EYS: variants seen among roughly 807,000 people sequenced by gnomAD.
The protein encoded by EYS is protein eyes shut homolog.
A neutral mutation model predicts 282.1 loss-of-function variants in EYS; 250 were observed. The ratio of observed to expected loss-of-function variants is 0.89; its 90% CI spans 0.80 to 0.98. The LOEUF (loss-of-function observed/expected upper bound fraction) is 0.98, where lower values mean the gene tolerates loss of function less well. Ranked by LOEUF, EYS falls within the 50% of genes least tolerant of loss-of-function variation. The pLI is 0.00. For synonymous variants in EYS, 1,355 were observed against 1,282.9 expected (o/e 1.06, Z -1.20); for missense variants, 4,016 against 3,709.0 (o/e 1.08, Z -2.15).
intron 33 of EYS, among the ~76,000 whole-genome samples, chr6:64,040,403 A>G (rs983863876): frequency 6.6e-6 from 1 of 152,196 alleles, no homozygotes; most frequent in Non-Finnish European, 1.5e-5. Flanking sequence ...TTGATAACTC[A>G]TTGCTTCTGA....
chr6:64,888,424 AAAC>A (rs1332039989), intron 18 of EYS, among the ~76,000 whole-genome samples: 3 of 151,926 alleles, frequency 2.0e-5, no homozygotes, highest in Non-Finnish European at 4.4e-5. Context: ...TCATGTATCA[AAAC>A]AACACAACAA....
chr6:65,690,519 T>C (rs1168714959), intron 1 of EYS, among the ~76,000 whole-genome samples: 5 of 150,096 alleles, frequency 3.3e-5, no homozygotes, highest in African/African-American at 9.7e-5. Flanking sequence ...CGTCCATTCA[T>C]AGGCTCTCTG....
At chr6:64,932,181 T>A (rs1768749178) in intron 15 of EYS, among the ~76,000 whole-genome samples, 1 of 151,998 alleles carries the variant, frequency 6.6e-6, no homozygotes, top group South Asian at 2.1e-4. Flanking sequence ...GGACTTGAAA[T>A]CCAATATCAT....
At chr6:64,366,948 AGT>A (rs1462112602) in intron 29 of EYS, among the ~76,000 whole-genome samples, 1 of 152,114 alleles carries the variant, frequency 6.6e-6, no homozygotes, top group Non-Finnish European at 1.5e-5. Flanking sequence ...AGAAGAATTT[AGT>A]GCAATATAAA....
chr6:64,892,966 T>A (rs566799252), intron 18 of EYS, among the ~76,000 whole-genome samples: 10 of 152,192 alleles, frequency 6.6e-5, no homozygotes, highest in African/African-American at 2.4e-4. Flanking sequence ...TTGGTAATGA[T>A]CTCGCTATGA....
chr6:65,027,327 C>T (rs1276908336), intron 13 of EYS, among the ~76,000 whole-genome samples: 2 of 152,114 alleles, frequency 1.3e-5, no homozygotes, highest in East Asian at 1.9e-4. Context: ...ATAAACTTTT[C>T]TAATAAATCT....
chr6:65,100,754 C>T (rs1239576435), intron 12 of EYS, among the ~76,000 whole-genome samples: 1 of 149,792 alleles, frequency 6.7e-6, no homozygotes, highest in Non-Finnish European at 1.5e-5. Flanking sequence ...CAAATCAAAA[C>T]TGCCTCTATA....
chr6:64,410,209 C>A (rs1227057040), intron 28 of EYS, among the ~76,000 whole-genome samples: 3 of 152,210 alleles, frequency 2.0e-5, no homozygotes, highest in Non-Finnish European at 4.4e-5. Flanking sequence ...ATCTTTGCAT[C>A]CAACAGTCAG....
intron 11 of EYS, among the ~76,000 whole-genome samples, chr6:65,327,045 A>G (rs1397596037): frequency 6.6e-6 from 1 of 151,748 alleles, no homozygotes; most frequent in Non-Finnish European, 1.5e-5. Flanking sequence ...ACTTGTTTAT[A>G]TACTTAAATA....
chr6:64,491,899 A>G (rs993625677), intron 26 of EYS, among the ~76,000 whole-genome samples: 1 of 151,210 alleles, frequency 6.6e-6, no homozygotes, highest in Non-Finnish European at 1.5e-5. Flanking sequence ...CTTAAATAGC[A>G]TGTGCTATTC....
chr6:65,088,324 A>G (rs1280565843), intron 12 of EYS, among the ~76,000 whole-genome samples: 1 of 152,192 alleles, frequency 6.6e-6, no homozygotes, highest in Admixed American at 6.5e-5. Flanking sequence ...AAGATGTGGG[A>G]AAGTTTAGAA....
rs566605528 is a variant in EYS at position 64,211,399 on chromosome 6, T to C, written c.6424+19193A>G. On this transcript the variant is annotated intron_variant, in intron 31 of 42. Coordinates refer to ENST00000503581, the MANE Select transcript of EYS (RefSeq NM_001142800.2). ...ATGTCAATAATATTGGTTCAAGCAG[T>C]GCTTAAAATCATTTCTCATACCATC... 2.6e-5 allele frequency among the ~76,000 whole-genome samples: 4 copies of C among 152,192 alleles called. No homozygotes were observed. The South Asian group carries it at 8.3e-4, about 32-fold the overall frequency.
At chr6:63,849,715 AG>A (rs1299326200) in intron 36 of EYS, among the ~76,000 whole-genome samples, 5 of 152,358 alleles carry the variant, frequency 3.3e-5, no homozygotes, top group Middle Eastern at 3.4e-3. Flanking sequence ...CACAAAGATG[AG>A]GAAAAACCAG....
intron 13 of EYS, among the ~76,000 whole-genome samples, chr6:65,030,490 C>T (rs1178892438): frequency 1.3e-5 from 2 of 152,164 alleles, no homozygotes; most frequent in Non-Finnish European, 2.9e-5. Flanking sequence ...GCAGAACTCA[C>T]TGCATCCCCT....
chr6:65,613,475 C>T (rs528773376), intron 2 of EYS, among the ~76,000 whole-genome samples: 50 of 151,840 alleles, frequency 3.3e-4, no homozygotes, highest in East Asian at 3.9e-4. Flanking sequence ...GTCTGGTACA[C>T]TGGGTAAGAT....
At chr6:63,912,944 G>C (rs1764302103) in intron 35 of EYS, among the ~76,000 whole-genome samples, 1 of 152,118 alleles carries the variant, frequency 6.6e-6, no homozygotes, top group Admixed American at 6.6e-5. Flanking sequence ...CCAGTGTCAG[G>C]AATTTACAGC....
intron 12 of EYS, among the ~76,000 whole-genome samples, chr6:65,245,245 G>A (rs1767150688): frequency 6.6e-6 from 1 of 152,112 alleles, no homozygotes; most frequent in Non-Finnish European, 1.5e-5. Context: ...CTAGCAAATG[G>A]AATTCTCTGA....
intron 26 of EYS, among the ~76,000 whole-genome samples, chr6:64,482,651 T>C (rs1366733238): frequency 1.3e-5 from 2 of 151,718 alleles, no homozygotes; most frequent in Non-Finnish European, 3.0e-5. Flanking sequence ...ATTATTGTAT[T>C]ATGGTTGTTG....
intron 24 of EYS, among the ~76,000 whole-genome samples, chr6:64,612,921 T>C (rs17482951): frequency 0.11 from 16,372 of 152,060 alleles, 1,065 homozygotes; most frequent in East Asian, 0.16. Flanking sequence ...AGAAGAAAGA[T>C]ATTAGAGGGA....
Sources: allele counts gnomAD v4.1 joint callset (sites outside exome capture counted in the v4.1 genomes callset), GRCh38; gene constraint gnomAD v4.1.1; transcripts MANE v1.5; gene names NCBI Gene and HGNC (gene_info 2026-07-23, HGNC 2026-07-21).